Variants in CALN1 observed in about 807,000 individuals in gnomAD.
CALN1 encodes the protein calcium-binding protein 8.
Under a neutral mutation model 30.6 loss-of-function variants are expected in CALN1, and 17 were observed. That is an observed-to-expected ratio of 0.56 (90% CI 0.38 to 0.83). The LOEUF is 0.83. Ranked by LOEUF, CALN1 falls within the 40% of genes least tolerant of loss-of-function variation. The probability of loss-of-function intolerance (pLI) is 0.00; values close to 1 mark genes in which losing one functional copy is unlikely to be tolerated. For synonymous variants in CALN1, 156 were observed against 131.4 expected, an observed-to-expected ratio of 1.19 and a Z score of -1.28; for missense variants, 291 against 354.9, an observed-to-expected ratio of 0.82 and a Z score of 1.45.
At chr7:71,978,723 T>C (rs1005520763) in intron 5 of CALN1, among the ~76,000 whole-genome samples, 1 of 152,200 alleles carries the variant, frequency 6.6e-6, no homozygotes, top group African/African-American at 2.4e-5. Context: ...CTTCCCTGAA[T>C]TGACTGCAGT....
intron 2 of CALN1, among the ~76,000 whole-genome samples, chr7:72,325,302 T>C (rs1391006535): frequency 2.0e-5 from 3 of 151,976 alleles, no homozygotes; most frequent in African/African-American, 4.8e-5. Context: ...TCTGAATAAA[T>C]AAATGAAAAT....
At chr7:71,987,496 C>T (rs1258968649) in intron 5 of CALN1, among the ~76,000 whole-genome samples, 3 of 152,184 alleles carry the variant, frequency 2.0e-5, no homozygotes, top group Non-Finnish European at 4.4e-5. Flanking sequence ...AAGGGAGGGG[C>T]CCATGGGCAC....
chr7:72,234,650 T>C (rs1794353914), intron 3 of CALN1, among the ~76,000 whole-genome samples: 2 of 152,164 alleles, frequency 1.3e-5, no homozygotes, highest in Non-Finnish European at 2.9e-5. Flanking sequence ...TTTACTATGT[T>C]GGCCAGGCTG....
intron 3 of CALN1, among the ~76,000 whole-genome samples, chr7:72,272,255 A>T (rs190929285): frequency 1.3e-5 from 2 of 152,080 alleles, no homozygotes; most frequent in Admixed American, 6.6e-5. Context: ...ACAGAAGAGT[A>T]TATCAGTATA....
At chr7:72,317,634 T>C (rs1052427946) in intron 2 of CALN1, among the ~76,000 whole-genome samples, 1 of 152,042 alleles carries the variant, frequency 6.6e-6, no homozygotes, top group African/African-American at 2.4e-5. Context: ...AGAACCTGTG[T>C]GGCACCTGGA....
At chr7:72,379,375 A>C (rs1804757799) in intron 2 of CALN1, among the ~76,000 whole-genome samples, 1 of 152,254 alleles carries the variant, frequency 6.6e-6, no homozygotes, top group Non-Finnish European at 1.5e-5. Context: ...AAGTATATCC[A>C]ATTAATGGCA....
At chr7:71,977,240 C>T (rs1436499763) in intron 5 of CALN1, among the ~76,000 whole-genome samples, 2 of 151,906 alleles carry the variant, frequency 1.3e-5, no homozygotes, top group Middle Eastern at 3.2e-3. Context: ...AAACCAGCCT[C>T]GGCAACATAG....
intron 2 of CALN1, among the ~76,000 whole-genome samples, chr7:72,338,914 T>G (rs1435993516): frequency 1.3e-5 from 2 of 151,932 alleles, no homozygotes; most frequent in Non-Finnish European, 2.9e-5. Context: ...TTTTTTTTTT[T>G]TTAACCTATT....
At chr7:72,104,531 T>C (rs1262350778) in intron 4 of CALN1, among the ~76,000 whole-genome samples, 1 of 152,162 alleles carries the variant, frequency 6.6e-6, no homozygotes, top group Non-Finnish European at 1.5e-5. Flanking sequence ...CCATTAGCTA[T>C]TCTTCCCAAT....
intron 3 of CALN1, among the ~76,000 whole-genome samples, chr7:72,147,602 A>G (rs1207535676): frequency 1.3e-5 from 2 of 152,006 alleles, no homozygotes; most frequent in Admixed American, 6.6e-5. Context: ...TACTGGGTAT[A>G]TACCCAAAGG....
At chr7:72,273,421 C>CA (rs71069048) in intron 3 of CALN1, among the ~76,000 whole-genome samples, 48,824 of 94,196 alleles carry the variant, frequency 0.52, 11,724 homozygotes, top group South Asian at 0.65. Flanking sequence ...GACTCCATCT[C>CA]AAAAAAAAAA....
At chr7:72,355,837 T>A (rs944294257) in intron 2 of CALN1, among the ~76,000 whole-genome samples, 1 of 152,188 alleles carries the variant, frequency 6.6e-6, no homozygotes, top group African/African-American at 2.4e-5. Flanking sequence ...AATGTTTATG[T>A]CTTAATTATG....
chr7:72,212,304 T>C (rs1248557534), intron 3 of CALN1, among the ~76,000 whole-genome samples: 1 of 144,994 alleles, frequency 6.9e-6, no homozygotes, highest in African/African-American at 2.6e-5. Flanking sequence ...GAGCGGAGAC[T>C]GTGGCACTGC....
At chr7:72,180,607 CTTTTTTTT>C (rs150600925) in intron 3 of CALN1, among the ~76,000 whole-genome samples, 6 of 90,004 alleles carry the variant, frequency 6.7e-5, no homozygotes, top group Admixed American at 1.4e-4. Context: ...GCTTTTTTTT[CTTTTTTTT>C]TTTTTTTTTA....
At position 72,205,551 on chromosome 7, in the gene CALN1, A is replaced by AAAATATATACAT; in HGVS notation, c.244+73134_244+73135insATGTATATATTT. Among the ~76,000 whole-genome samples the AAAATATATACAT allele has an allele frequency of 1.2e-4, 10 of 83,042 alleles. 1 individual carries two copies. The highest frequency in any genetic ancestry group is 7.4e-4 in the African/African-American group (10 of 13,442). The allele number at this position is 83,042 out of a possible 152,430, so 54.5% of individuals were successfully genotyped here. A position where few individuals can be genotyped will look rare whatever the true frequency, so the allele number is the denominator to read the frequency against. ...ATTTTTCTCCTGATTGCAAAAAAAA[A>AAAATATATACAT]ATATATATATATATATGTATATATA... On this transcript the variant is annotated intron_variant, in intron 3 of 6. Transcript: ENST00000395275.
intron 3 of CALN1, among the ~76,000 whole-genome samples, chr7:72,126,921 A>G (rs1392473250): frequency 6.6e-6 from 1 of 152,062 alleles, no homozygotes; most frequent in African/African-American, 2.4e-5. Flanking sequence ...GAATTAAATC[A>G]CCACTAAAGA....
chr7:72,236,774 G>A (rs1365750549), intron 3 of CALN1, among the ~76,000 whole-genome samples: 1 of 152,092 alleles, frequency 6.6e-6, no homozygotes, highest in Non-Finnish European at 1.5e-5. Flanking sequence ...TATAGTACAG[G>A]TATTTGTGAC....
At chr7:72,275,003 C>T (rs1292503827) in intron 3 of CALN1, among the ~76,000 whole-genome samples, 1 of 152,090 alleles carries the variant, frequency 6.6e-6, no homozygotes, top group Admixed American at 6.6e-5. Context: ...CAGAGGATAA[C>T]CATTCACGAA....
In CALN1 at chr7:72,384,450, C is replaced by A. The variant is rs578108538; in HGVS notation, c.119+18801G>T. Among the ~76,000 whole-genome samples the A allele has an allele frequency of 2.7e-3, 415 of 152,136 alleles. 2 individuals carry two copies. Among genetic ancestry groups the A allele is most frequent in the Admixed American group, 3.7e-3 (57 of 15,266 alleles). On this transcript the variant is annotated intron_variant, in intron 2 of 6. Coordinates refer to ENST00000395275, the MANE Select transcript of CALN1 (RefSeq NM_031468.4). ...AATGAACCTAAATATAGAACTTATA[C>A]CTTTTTATTAATTTGGGTTAATGAA...
Sources: allele counts gnomAD v4.1 joint callset (sites outside exome capture counted in the v4.1 genomes callset), GRCh38; gene constraint gnomAD v4.1.1; transcripts MANE v1.5; gene names NCBI Gene and HGNC (gene_info 2026-07-23, HGNC 2026-07-21).